The following ABCA12 variants were observed in gnomAD, a reference collection of about 807,000 sequenced individuals.
The protein encoded by ABCA12 is glucosylceramide transporter ABCA12.
ABCA12 carries 156 observed loss-of-function variants against 293.5 expected under a neutral mutation model. That is an observed-to-expected ratio of 0.53 (90% CI 0.47 to 0.61). The LOEUF is 0.61. Among genes scored for constraint, ABCA12 ranks in the 20% least tolerant of loss-of-function variants. The pLI is 0.00. For synonymous variants in ABCA12, 1,063 were observed against 1,108.0 expected, an observed-to-expected ratio of 0.96 and a Z score of 0.81; for missense variants, 2,797 against 3,090.2, an observed-to-expected ratio of 0.91 and a Z score of 2.25.
chr2:215,084,894 G>A (rs1264082648), intron 2 of ABCA12, among the ~76,000 whole-genome samples: 1 of 151,970 alleles, frequency 6.6e-6, no homozygotes, highest in African/African-American at 2.4e-5. Context: ...AGGAGTTCGA[G>A]ACCAGCCTGG....
rs573171571 is a variant in ABCA12, at chr2:214,982,075, G to C, written c.4579+112C>G. On this transcript the variant is annotated intron_variant, in intron 30 of 52. Transcript: ENST00000272895. Reference sequence around the variant, plus strand: ...AATCCTCCTGTCTTGGCCTCCCAAAGTGCTGGGATTATAGGCGTGAGCCAC... The same window carrying C: ...AATCCTCCTGTCTTGGCCTCCCAAACTGCTGGGATTATAGGCGTGAGCCAC... 2.7e-6 allele frequency: 3 copies of C among 1,120,516 alleles called. No individual in the cohort carries two copies. In the East Asian group the frequency reaches 7.6e-5, roughly 28 times the overall value. 69.4% of individuals were successfully genotyped at this position (1,120,516 alleles called of 1,614,324 possible). A position where few individuals can be genotyped will look rare whatever the true frequency, so the allele number is the denominator to read the frequency against.
At chr2:215,122,979 T>A (rs1213247710) in intron 1 of ABCA12, among the ~76,000 whole-genome samples, 1 of 152,142 alleles carries the variant, frequency 6.6e-6, no homozygotes, top group African/African-American at 2.4e-5. Context: ...TTTCTGTCTT[T>A]GTGCCTGTGT....
chr2:215,134,748 G>C (rs1703174215), intron 1 of ABCA12, among the ~76,000 whole-genome samples: 1 of 149,688 alleles, frequency 6.7e-6, no homozygotes, highest in African/African-American at 2.5e-5. Flanking sequence ...CCCAGGTTCA[G>C]GTAATCCTCC....
intron 20 of ABCA12, among the ~76,000 whole-genome samples, 165 bp downstream of exon 20, chr2:215,004,044 C>T (rs1700200593): frequency 6.6e-6 from 1 of 152,038 alleles, no homozygotes; most frequent in African/African-American, 2.4e-5. Flanking sequence ...GTACAACTAA[C>T]TGGGAAGAAG....
chr2:215,027,018 C>A, intron 9 of ABCA12, 80 bp from the exon 10 acceptor site: 2 of 1,062,056 alleles, frequency 1.9e-6, no homozygotes, highest in East Asian at 2.4e-5. Context: ...ATTTTGGTCC[C>A]TTGTTTGGCA....
chr2:214,964,492 A>G (rs866391201), intron 39 of ABCA12, among the ~76,000 whole-genome samples: 12 of 152,180 alleles, frequency 7.9e-5, no homozygotes, highest in South Asian at 6.2e-4. Context: ...TGTCCAGCCC[A>G]AAAGCTTCTT....
At chr2:215,122,316 A>G (rs1328402534) in intron 1 of ABCA12, among the ~76,000 whole-genome samples, 1 of 152,224 alleles carries the variant, frequency 6.6e-6, no homozygotes, top group Non-Finnish European at 1.5e-5. Flanking sequence ...AATGATACCA[A>G]TTCAGAAGAG....
intron 28 of ABCA12, among the ~76,000 whole-genome samples, chr2:214,984,387 C>T (rs992281450): frequency 3.3e-5 from 5 of 152,170 alleles, no homozygotes; most frequent in African/African-American, 7.2e-5. Context: ...TGAGCCACTG[C>T]GCCCAGCCAT....
chr2:215,066,753 C>T (rs1701647011), intron 2 of ABCA12, among the ~76,000 whole-genome samples: 1 of 152,074 alleles, frequency 6.6e-6, no homozygotes, highest in Non-Finnish European at 1.5e-5. Context: ...TTCAGGCATG[C>T]ACAAGTTTCA....
Position 214,932,505 on chromosome 2 carries a change from A to AGTT in ABCA12, c.*126_*128dup. On this transcript the variant is annotated 3_prime_UTR_variant, in exon 53 of 53. Transcript: ENST00000272895. ...TTATAATTACTTGTTAGTCTAACACAGTTGTAACTTTCCATACAGTATATT... is the reference window on the plus strand; with the variant it reads ...TTATAATTACTTGTTAGTCTAACACAGTTGTTGTAACTTTCCATACAGTATATT... 1.3e-6 allele frequency: 1 copy of AGTT among 773,662 alleles called. No homozygotes were observed. Among genetic ancestry groups the AGTT allele is most frequent in the Non-Finnish European group, 2.2e-6 (1 of 456,676 alleles). 47.9% of individuals were successfully genotyped at this position (773,662 alleles called of 1,614,324 possible). A position where few individuals can be genotyped will look rare whatever the true frequency, so the allele number is the denominator to read the frequency against.
intron 40 of ABCA12, 49 bp downstream of exon 40, chr2:214,958,975 G>T: frequency 6.5e-7 from 1 of 1,541,786 alleles, no homozygotes; most frequent in South Asian, 1.1e-5. Context: ...TTATACAAAG[G>T]CTCAGCTATG....
intron 2 of ABCA12, among the ~76,000 whole-genome samples, chr2:215,074,884 G>C (rs1395563582): frequency 1.3e-5 from 2 of 152,060 alleles, no homozygotes; most frequent in Non-Finnish European, 2.9e-5. Flanking sequence ...GGGGGTTGCA[G>C]TGAGCCGAGA....
intron 1 of ABCA12, among the ~76,000 whole-genome samples, chr2:215,132,312 T>C (rs1260919915): frequency 6.6e-6 from 1 of 152,048 alleles, no homozygotes; most frequent in Admixed American, 6.6e-5. Flanking sequence ...GCCTTGATTA[T>C]CTGTCTAGTA....
chr2:214,976,934 A>G (rs1008950085), intron 33 of ABCA12, among the ~76,000 whole-genome samples: 4 of 152,224 alleles, frequency 2.6e-5, no homozygotes, highest in African/African-American at 9.6e-5. Context: ...AAATGATGGT[A>G]TTCATCAACT....
chr2:215,128,681 A>G (rs1416578567), intron 1 of ABCA12, among the ~76,000 whole-genome samples: 2 of 151,900 alleles, frequency 1.3e-5, no homozygotes, highest in East Asian at 3.9e-4. Context: ...TATTTCCTTG[A>G]ATATTTCTCC....
chr2:215,004,341 A>G, intron 19 of ABCA12, 42 bp from the exon 20 acceptor site: 1 of 1,476,508 alleles, frequency 6.8e-7, no homozygotes. Context: ...TACAAGAAAA[A>G]TCATGTTTGA....
At chr2:215,041,381 G>A (rs187777677) in intron 7 of ABCA12, among the ~76,000 whole-genome samples, 24 of 151,940 alleles carry the variant, frequency 1.6e-4, no homozygotes, top group East Asian at 7.8e-4. Context: ...GTGAAACCCC[G>A]TCTCTACCAA....
chr2:215,089,501 G>A (rs1273287555), intron 2 of ABCA12, among the ~76,000 whole-genome samples: 1 of 152,186 alleles, frequency 6.6e-6, no homozygotes, highest in Non-Finnish European at 1.5e-5. Context: ...ACTTCTGTGT[G>A]ATTGCTATTT....
In ABCA12 at chr2:214,932,728, A is replaced by T; in HGVS notation, c.7694T>A (p.Phe2565Tyr). ...QTTLEEVFIN[F>Y]AKDQKSYETA... Reference sequence around the variant, plus strand: ...TTCATAGGACTTCTGGTCTTTGGCAAAGTTGATGAAAACCTGATTTTTCAG... The same window carrying T: ...TTCATAGGACTTCTGGTCTTTGGCATAGTTGATGAAAACCTGATTTTTCAG... The change falls in exon 53 of 53, where the codon TTT (phenylalanine) becomes TAT (tyrosine). Residue 2565 changes from phenylalanine to tyrosine, a missense_variant. Phe to Tyr is a conservative substitution (Grantham distance 22, BLOSUM62 3). Coordinates refer to ENST00000272895, the MANE Select transcript of ABCA12 (RefSeq NM_173076.3). 6.2e-7 allele frequency: 1 copy of T among 1,613,388 alleles called. No homozygotes were observed. Among genetic ancestry groups the T allele is most frequent in the African/African-American group, 1.3e-5 (1 of 74,978 alleles).
Sources: gnomAD v4.1 joint callset for allele counts (sites outside exome capture counted in the v4.1 genomes callset) on GRCh38, gnomAD v4.1.1 for gene constraint, MANE v1.5 for transcripts, NCBI Gene and HGNC (gene_info 2026-07-23, HGNC 2026-07-21) for gene names.